LDLRAD4: variants seen among roughly 807,000 people sequenced by gnomAD.
LDLRAD4 encodes low-density lipoprotein receptor class A domain-containing protein 4.
Under a neutral mutation model 17.0 loss-of-function variants are expected in LDLRAD4, and 5 were observed. The observed-to-expected ratio is 0.29, with a 90% CI of 0.15 to 0.62. The LOEUF (loss-of-function observed/expected upper bound fraction) is 0.62. Among genes scored for constraint, LDLRAD4 ranks in the 20% least tolerant of loss-of-function variants. The pLI, the probability that LDLRAD4 is intolerant of heterozygous loss-of-function variation, is 0.84. For synonymous variants in LDLRAD4, 168 were observed against 171.8 expected, an observed-to-expected ratio of 0.98 and a Z score of 0.17; for missense variants, 340 against 424.7, an observed-to-expected ratio of 0.80 and a Z score of 1.75.
chr18:13,328,787 G>A (rs1306782123), intron 1 of LDLRAD4, among the ~76,000 whole-genome samples: 1 of 152,076 alleles, frequency 6.6e-6, no homozygotes, highest in Non-Finnish European at 1.5e-5. Context: ...TCCCTCCTAT[G>A]CCTATTCTCC....
intron 3 of LDLRAD4, among the ~76,000 whole-genome samples, chr18:13,588,084 GA>G (rs10717797): frequency 0.014 from 2,138 of 150,600 alleles, 53 homozygotes; most frequent in African/African-American, 0.045. Flanking sequence ...TTCATATCGG[GA>G]AAAAAAAACC....
At chr18:13,524,190 G>A (rs2093995206) in intron 3 of LDLRAD4, among the ~76,000 whole-genome samples, 1 of 152,186 alleles carries the variant, frequency 6.6e-6, no homozygotes, top group South Asian at 2.1e-4. Flanking sequence ...TCAGGACCGG[G>A]CCCTGCTGCA....
intron 4 of LDLRAD4, among the ~76,000 whole-genome samples, chr18:13,627,728 C>G (rs2041300774): frequency 6.6e-6 from 1 of 152,218 alleles, no homozygotes; most frequent in South Asian, 2.1e-4. Flanking sequence ...CCAGGCAAGG[C>G]CCTCCTCTGT....
At chr18:13,345,352 G>A (rs2082618481) in intron 1 of LDLRAD4, among the ~76,000 whole-genome samples, 1 of 152,080 alleles carries the variant, frequency 6.6e-6, no homozygotes, top group African/African-American at 2.4e-5. Flanking sequence ...TGTGGTTTTT[G>A]TCATTGGTTC....
At chr18:13,605,609 A>C (rs1218554309) in intron 3 of LDLRAD4, among the ~76,000 whole-genome samples, 2 of 152,202 alleles carry the variant, frequency 1.3e-5, no homozygotes, top group Non-Finnish European at 2.9e-5. Flanking sequence ...TGAAAGGTGC[A>C]GGTAGATCAA....
intron 1 of LDLRAD4, among the ~76,000 whole-genome samples, chr18:13,334,284 C>T (rs545102226): frequency 2.2e-4 from 33 of 152,112 alleles, no homozygotes; most frequent in African/African-American, 8.0e-4. Flanking sequence ...GTTGCCCAGG[C>T]TGGAGTGCAA....
At chr18:13,548,425 T>G (rs779065609) in intron 3 of LDLRAD4, among the ~76,000 whole-genome samples, 5 of 152,208 alleles carry the variant, frequency 3.3e-5, no homozygotes, top group Non-Finnish European at 7.3e-5. Flanking sequence ...CAGCACCCCC[T>G]TGGCCTCCTT....
At chr18:13,327,065 G>C (rs572681338) in intron 1 of LDLRAD4, among the ~76,000 whole-genome samples, 3 of 151,978 alleles carry the variant, frequency 2.0e-5, no homozygotes, top group Non-Finnish European at 4.4e-5. Context: ...CCCTCCTCTT[G>C]TGCTTTCCTA....
rs566351255 is a variant in LDLRAD4 at position 13,505,702 on chromosome 18, C to G, written c.181+67318C>G. Among the ~76,000 whole-genome samples the G allele has an allele frequency of 2.0e-4, 31 of 152,208 alleles. No homozygotes were observed. The South Asian group carries it at 6.2e-3, about 31-fold the overall frequency. On this transcript the variant is annotated intron_variant, in intron 3 of 5. Coordinates refer to ENST00000359446, the Ensembl canonical transcript of LDLRAD4. ...GCGTGGTGGTGGGCACCTGTAGTCG[C>G]AGCTACTCGGGAGGCTGAGGGAGGA... is the stretch of plus-strand genomic sequence containing the variant.
intron 2 of LDLRAD4, among the ~76,000 whole-genome samples, chr18:13,437,116 C>T (rs769561242): frequency 1.3e-5 from 2 of 152,200 alleles, no homozygotes; most frequent in Non-Finnish European, 2.9e-5. Context: ...CGATGCCCAG[C>T]CTTTTATTTG....
At chr18:13,345,676 C>T (rs1372598739) in intron 1 of LDLRAD4, among the ~76,000 whole-genome samples, 1 of 152,120 alleles carries the variant, frequency 6.6e-6, no homozygotes, top group Non-Finnish European at 1.5e-5. Context: ...CCTCCTTGTA[C>T]CTCTGGTAGA....
chr18:13,643,397 G>T (rs757964228), exon 5 of LDLRAD4: 4 of 1,331,904 alleles, frequency 3.0e-6, no homozygotes, highest in East Asian at 6.0e-5. Flanking sequence ...CCGCACCGCG[G>T]CTGGGCGCCT....
chr18:13,568,756 C>A (rs2094641973), intron 3 of LDLRAD4, among the ~76,000 whole-genome samples: 1 of 152,208 alleles, frequency 6.6e-6, no homozygotes, highest in South Asian at 2.1e-4. Context: ...AGTAGACAGA[C>A]CCCGTGGTTA....
chr18:13,407,032 G>A (rs1399309395), intron 2 of LDLRAD4, among the ~76,000 whole-genome samples: 1 of 152,212 alleles, frequency 6.6e-6, no homozygotes, highest in Non-Finnish European at 1.5e-5. Flanking sequence ...ACTTAGCACG[G>A]CGTGGCGGGC....
At chr18:13,366,142 T>A (rs1254268518) in intron 1 of LDLRAD4, 1 of 152,226 alleles carries the variant, frequency 6.6e-6, no homozygotes, top group African/African-American at 2.4e-5. Context: ...GGCACAATCA[T>A]ACCTCATTGC....
At chr18:13,237,777 G>A (rs2042409726) in intron 1 of LDLRAD4, among the ~76,000 whole-genome samples, 1 of 152,210 alleles carries the variant, frequency 6.6e-6, no homozygotes, top group Admixed American at 6.5e-5. Context: ...CAGTTTGCAT[G>A]TGTTCTTTCA....
chr18:13,439,973 T>C (rs2090921340), intron 3 of LDLRAD4, among the ~76,000 whole-genome samples: 1 of 152,204 alleles, frequency 6.6e-6, no homozygotes, highest in African/African-American at 2.4e-5. Flanking sequence ...TAGAGCAGCA[T>C]ATTCCAGGCG....
intron 3 of LDLRAD4, among the ~76,000 whole-genome samples, chr18:13,495,625 C>G (rs534729909): frequency 6.6e-6 from 1 of 152,300 alleles, no homozygotes; most frequent in Middle Eastern, 3.4e-3. Context: ...CCTCAGCTGC[C>G]TTGAAGAATT....
rs541524443 is a variant in LDLRAD4, at chr18:13,640,176, C to T, written c.337-3183C>T. ...GGTGTGGTGGCGGGCGCCTGTAGTC[C>T]CATCTACTCGGTAGGCTGAGGCGGG... is the stretch of plus-strand genomic sequence containing the variant. On this transcript the variant is annotated intron_variant, in intron 4 of 5. Coordinates refer to ENST00000359446, the Ensembl canonical transcript of LDLRAD4. Among the ~76,000 whole-genome samples, 48 of 151,478 alleles carry T rather than the reference C, an allele frequency of 3.2e-4. No homozygotes were observed. In the East Asian group the frequency reaches 9.0e-3, roughly 28 times the overall value.
Sources: allele counts gnomAD v4.1 joint callset (sites outside exome capture counted in the v4.1 genomes callset), GRCh38; gene constraint gnomAD v4.1.1; transcripts MANE v1.5; gene names NCBI Gene and HGNC (gene_info 2026-07-23, HGNC 2026-07-21).